Variants in MED13 observed in about 807,000 individuals in gnomAD.
The protein encoded by MED13 is mediator of RNA polymerase II transcription subunit 13.
MED13 carries 23 observed loss-of-function variants against 225.2 expected under a neutral mutation model. That is an observed-to-expected ratio of 0.10 (90% CI 0.07 to 0.14). The LOEUF (loss-of-function observed/expected upper bound fraction) is 0.14. Ranked by LOEUF, MED13 falls within the 10% of genes least tolerant of loss-of-function variation. MED13 has a pLI of 1.00. For missense variants in MED13, 2,197 were observed against 2,594.5 expected, an observed-to-expected ratio of 0.85 and a Z score of 3.33; for synonymous variants, 942 against 889.2, an observed-to-expected ratio of 1.06 and a Z score of -1.06.
rs376923964 is a variant in MED13 at position 62,014,545 on chromosome 17, G to A, written c.1284-3312C>T. ...TTGGTCAGGCTGGTCTTGAACTCTT[G>A]ACCTCAAAAGATCTACCCACCTCGG... On this transcript the variant is annotated intron_variant, in intron 8 of 29. Transcript: ENST00000397786. Among the ~76,000 whole-genome samples the A allele has an allele frequency of 9.9e-5, 15 of 152,144 alleles. No individual in the cohort carries two copies. In the East Asian group the frequency reaches 1.2e-3, roughly 12 times the overall value.
chr17:62,017,049 TA>T (rs2080589333), intron 8 of MED13, among the ~76,000 whole-genome samples: 1 of 150,150 alleles, frequency 6.7e-6, no homozygotes, highest in South Asian at 2.1e-4. Context: ...AATAAATAAA[TA>T]AAGTAAATTA....
chr17:61,996,674 CTTTAT>C (rs554833133), intron 9 of MED13, among the ~76,000 whole-genome samples: 93 of 152,176 alleles, frequency 6.1e-4, no homozygotes, highest in Non-Finnish European at 1.1e-3. Flanking sequence ...CCCATAACTA[CTTTAT>C]TTTAAATAGC....
chr17:61,982,297 A>G lies in MED13; in HGVS notation c.3706T>C (p.Leu1236=). 1 of 1,614,242 alleles carries G rather than the reference A, an allele frequency of 6.2e-7. No homozygotes were observed. ...TCCATGAACTGACGCCCATGTTCTA[A>G]TGCAAGGTAGCAGTCATTGCAACAG... The part of the protein sequence containing the change: ...RDCCNDCYLA[L]EHGRQFMDNM... Residue 1236 remains leucine (L), a synonymous_variant, in exon 16 of 30, where the codon TTA becomes CTA. Coordinates refer to ENST00000397786, the MANE Select transcript of MED13 (RefSeq NM_005121.3).
intron 28 of MED13, 60 bp from the exon 29 acceptor site, chr17:61,947,077 T>C: frequency 3.4e-6 from 4 of 1,176,588 alleles, no homozygotes; most frequent in Non-Finnish European, 3.8e-6. Flanking sequence ...GCTATTTAGT[T>C]TTACCTTATT....
At chr17:62,027,240 T>C (rs987017844) in intron 8 of MED13, among the ~76,000 whole-genome samples, 3 of 152,052 alleles carry the variant, frequency 2.0e-5, no homozygotes, top group Admixed American at 6.6e-5. Flanking sequence ...AACAGACACA[T>C]AGACCAATGA....
intron 15 of MED13, among the ~76,000 whole-genome samples, chr17:61,983,792 G>T (rs1603397029): frequency 1.3e-5 from 2 of 149,574 alleles, no homozygotes. Flanking sequence ...GCACTGGTGC[G>T]ATCTCGGCTC....
chr17:62,015,011 T>TG (rs2080549112), intron 8 of MED13, among the ~76,000 whole-genome samples: 1 of 152,090 alleles, frequency 6.6e-6, no homozygotes, highest in Non-Finnish European at 1.5e-5. Context: ...ATCCAGAATG[T>TG]GGGGCACTCT....
chr17:61,980,627 G>A (rs996639497), intron 16 of MED13, among the ~76,000 whole-genome samples: 6 of 151,970 alleles, frequency 3.9e-5, no homozygotes, highest in South Asian at 4.2e-4. Context: ...CTTACATCTC[G>A]CTGGCCTCTT....
chr17:62,057,042 A>C (rs2081001384), intron 2 of MED13, among the ~76,000 whole-genome samples: 1 of 152,234 alleles, frequency 6.6e-6, no homozygotes. Flanking sequence ...CAACCAAAAA[A>C]GCAGACACAC....
chr17:61,988,525 T>G (rs1159212676), intron 11 of MED13, among the ~76,000 whole-genome samples: 4 of 152,184 alleles, frequency 2.6e-5, no homozygotes, highest in Admixed American at 2.0e-4. Context: ...GCCTTTGAAA[T>G]TTTAAAAGTA....
intron 20 of MED13, 77 bp downstream of exon 20, chr17:61,964,927 CTG>C (rs773259004): frequency 2.2e-6 from 3 of 1,354,342 alleles, no homozygotes; most frequent in East Asian, 2.5e-5. Flanking sequence ...AAGAGTGAGA[CTG>C]TGTCTCAAGA....
At position 61,950,905 on chromosome 17, in the gene MED13, T is replaced by C. The variant is rs2079891021; in HGVS notation, c.6211A>G (p.Thr2071Ala). 6.2e-7 allele frequency: 1 copy of C among 1,614,060 alleles called. No homozygotes were observed. The highest frequency in any genetic ancestry group is 8.5e-7 in the Non-Finnish European group (1 of 1,179,938). ...QPLALGYFVSTAKAGPLPDWF... is the reference protein window; with the variant it reads ...QPLALGYFVSAAKAGPLPDWF... The stretch of plus-strand genomic sequence containing the variant: ...TCAGGTAATGGACCTGCTTTGGCAG[T>C]TGATACAAAGTAACCAAGGGCCAAT... The change falls in exon 28 of 30, where the codon ACT (threonine) becomes GCT (alanine). Residue 2071 changes from threonine to alanine, a missense_variant. Thr to Ala is a moderately conservative substitution (Grantham distance 58). Coordinates refer to ENST00000397786, the MANE Select transcript of MED13 (RefSeq NM_005121.3).
rs2079836525 is a variant in MED13 at position 61,944,312 on chromosome 17, A to G, written c.*2156T>C. 1 of 152,536 alleles carries G rather than the reference A, an allele frequency of 6.6e-6. No homozygotes were observed. The allele number at this position is 152,536 out of a possible 1,614,324, so 9.4% of individuals were successfully genotyped here. A position where few individuals can be genotyped will look rare whatever the true frequency, so the allele number is the denominator to read the frequency against. On this transcript the variant is annotated 3_prime_UTR_variant, in exon 30 of 30. Transcript: ENST00000397786. Reference sequence around the variant, plus strand: ...TGTAAAGTCACTATTAAGTGTATAAAAAGGATACTCTTTTTATGGAAATTC... The same window carrying G: ...TGTAAAGTCACTATTAAGTGTATAAGAAGGATACTCTTTTTATGGAAATTC...
intron 9 of MED13, among the ~76,000 whole-genome samples, chr17:62,009,991 G>A (rs1024791330): frequency 6.6e-6 from 1 of 152,142 alleles, no homozygotes; most frequent in Non-Finnish European, 1.5e-5. Flanking sequence ...GGAGGCCGAG[G>A]TGGGTGGATC....
rs2080499829 is a variant in MED13 at position 62,010,757 on chromosome 17, G to A, written c.1760C>T (p.Pro587Leu). Residue 587 changes from proline (P) to leucine (L), a missense_variant, in exon 9 of 30, where the codon CCA becomes CTA. Pro to Leu is a moderately conservative substitution (Grantham distance 98). Around this residue, in one of 12 missense-constraint regions of MED13, gnomAD observed 884 missense variants for 918.5 expected, o/e 0.96. Transcript: ENST00000397786. ...DRIDSLSQSF[P>L]PQYQEAVEPT... Reference sequence around the variant, plus strand: ...TTCTACAGCTTCCTGATATTGAGGTGGGAAAGACTGGGACAAACTGTCTAT... The same window carrying A: ...TTCTACAGCTTCCTGATATTGAGGTAGGAAAGACTGGGACAAACTGTCTAT... 1.2e-6 allele frequency: 2 copies of A among 1,613,916 alleles called. No homozygotes were observed. The highest frequency in any genetic ancestry group is 1.7e-5 in the Admixed American group (1 of 59,988).
intron 11 of MED13, among the ~76,000 whole-genome samples, chr17:61,990,086 G>A (rs377043023): frequency 2.0e-5 from 3 of 151,916 alleles, no homozygotes; most frequent in East Asian, 3.8e-4. Flanking sequence ...CTTTGTCATC[G>A]AAAACACACA....
At position 61,957,002 on chromosome 17, in the gene MED13, T is replaced by A. The variant is rs80331233; in HGVS notation, c.5481-521A>T. Among the ~76,000 whole-genome samples, 1,276 of 152,256 alleles carry A rather than the reference T, an allele frequency of 8.4e-3. 22 individuals are homozygous for A. The highest frequency in any genetic ancestry group is 0.028 in the African/African-American group (1,174 of 41,554). The stretch of plus-strand genomic sequence containing the variant: ...TATAATATATAAATTTTTAAAAAAA[T>A]TTGTCTATAAAACACCTCAATTCAT... On this transcript the variant is annotated intron_variant, in intron 23 of 29. Transcript: ENST00000397786.
chr17:62,025,327 A>G (rs749465687), intron 8 of MED13, among the ~76,000 whole-genome samples: 1 of 152,198 alleles, frequency 6.6e-6, no homozygotes, highest in African/African-American at 2.4e-5. Flanking sequence ...ACTTTCACAT[A>G]CCATAAAACA....
At chr17:61,968,752 T>C (rs1392485321) in intron 17 of MED13, among the ~76,000 whole-genome samples, 1 of 152,204 alleles carries the variant, frequency 6.6e-6, no homozygotes, top group African/African-American at 2.4e-5. Context: ...ACAAGTCTTT[T>C]TATTTACTTA....
Sources: gnomAD v4.1 joint callset for allele counts (sites outside exome capture counted in the v4.1 genomes callset) on GRCh38, gnomAD v4.1.1 for gene constraint, gnomAD v4.1.1 regional missense constraint, MANE v1.5 for transcripts, NCBI Gene and HGNC (gene_info 2026-07-23, HGNC 2026-07-21) for gene names.